The following CACNA2D3 variants were observed in gnomAD, a reference collection of about 807,000 sequenced individuals.
The protein encoded by CACNA2D3 is voltage-dependent calcium channel subunit alpha-2/delta-3.
CACNA2D3 carries 60 observed loss-of-function variants against 160.6 expected under a neutral mutation model. The ratio of observed to expected loss-of-function variants is 0.37; its 90% confidence interval spans 0.30 to 0.46. The LOEUF is 0.46. Ranked by LOEUF, CACNA2D3 falls within the 20% of genes least tolerant of loss-of-function variation. The pLI is 1.00. For missense variants in CACNA2D3, 1,205 were observed against 1,365.0 expected, an observed-to-expected ratio of 0.88 and a Z score of 1.85; for synonymous variants, 558 against 492.9, an observed-to-expected ratio of 1.13 and a Z score of -1.75.
chr3:54,822,754 CTTT>C lies in CACNA2D3; in HGVS notation c.1398+5885_1398+5887del, dbSNP rs1223756456. ...ATTTTCTTTCTTTCTTTCTTTCTTT[CTTT>C]CTTTCTTTCTTTCTTTCTTTCTTTC... is the stretch of plus-strand genomic sequence containing the variant. On this transcript the variant is annotated intron_variant, in intron 14 of 37. Transcript: ENST00000474759. 3.2e-4 allele frequency among the ~76,000 whole-genome samples: 25 copies of C among 77,560 alleles called. 1 individual carries two copies. Among genetic ancestry groups the C allele is most frequent in the African/African-American group, 1.3e-3 (25 of 19,284 alleles). 50.9% of individuals were successfully genotyped at this position (77,560 alleles called of 152,430 possible).
intron 17 of CACNA2D3, among the ~76,000 whole-genome samples, chr3:54,851,869 G>A (rs1699064864): frequency 6.6e-6 from 1 of 152,156 alleles, no homozygotes; most frequent in South Asian, 2.1e-4. Flanking sequence ...GAAATATGAT[G>A]TGTATCCTAC....
At chr3:54,370,518 C>T (rs550542953) in intron 3 of CACNA2D3, among the ~76,000 whole-genome samples, 2 of 152,266 alleles carry the variant, frequency 1.3e-5, no homozygotes, top group South Asian at 4.2e-4. Context: ...TTTGCCTAAT[C>T]CCCTGGTGAG....
chr3:54,461,681 G>C (rs1700507940), intron 4 of CACNA2D3, among the ~76,000 whole-genome samples: 1 of 151,354 alleles, frequency 6.6e-6, no homozygotes, highest in Non-Finnish European at 1.5e-5. Context: ...TTCTTTATTA[G>C]TCTTGGTAGT....
At chr3:54,472,076 C>T (rs1240767187) in intron 4 of CACNA2D3, among the ~76,000 whole-genome samples, 2 of 152,162 alleles carry the variant, frequency 1.3e-5, no homozygotes, top group Non-Finnish European at 2.9e-5. Flanking sequence ...ATACCAAAAC[C>T]TGGCAGAGAC....
chr3:55,069,121 CTG>C (rs1240283258), intron 35 of CACNA2D3, among the ~76,000 whole-genome samples: 1 of 152,174 alleles, frequency 6.6e-6, no homozygotes, highest in Non-Finnish European at 1.5e-5. Context: ...TGTTACTCAT[CTG>C]TGTTTCCTCT....
chr3:54,407,689 C>A (rs1295222780), intron 4 of CACNA2D3, among the ~76,000 whole-genome samples: 2 of 152,030 alleles, frequency 1.3e-5, no homozygotes, highest in Non-Finnish European at 2.9e-5. Context: ...TTTGTGTTAA[C>A]CAGTTATTTG....
At chr3:54,153,141 T>C (rs1700182284) in intron 2 of CACNA2D3, among the ~76,000 whole-genome samples, 1 of 152,166 alleles carries the variant, frequency 6.6e-6, no homozygotes, top group African/African-American at 2.4e-5. Context: ...ATAGAGAAGT[T>C]GGTAGCTCTG....
chr3:55,029,238 A>G (rs532289844), intron 35 of CACNA2D3, among the ~76,000 whole-genome samples: 2 of 152,288 alleles, frequency 1.3e-5, no homozygotes, highest in African/African-American at 2.4e-5. Flanking sequence ...GGACTGAACT[A>G]TGGTCTGGGC....
intron 2 of CACNA2D3, among the ~76,000 whole-genome samples, chr3:54,131,390 T>A (rs569692188): frequency 6.6e-6 from 1 of 152,330 alleles, no homozygotes; most frequent in East Asian, 1.9e-4. Flanking sequence ...GGAATTGGGG[T>A]TGCCACATCT....
chr3:54,733,195 G>A (rs1318229845), intron 11 of CACNA2D3, among the ~76,000 whole-genome samples: 2 of 152,192 alleles, frequency 1.3e-5, no homozygotes, highest in Non-Finnish European at 2.9e-5. Flanking sequence ...CTGTGTTCAT[G>A]GATTTAGTAA....
At chr3:54,927,125 T>G (rs549359919) in intron 27 of CACNA2D3, among the ~76,000 whole-genome samples, 1 of 152,062 alleles carries the variant, frequency 6.6e-6, no homozygotes, top group East Asian at 1.9e-4. Context: ...TTTGATTGAT[T>G]GTTTGCTTGC....
At chr3:54,670,302 G>T (rs1700136733) in intron 11 of CACNA2D3, among the ~76,000 whole-genome samples, 2 of 152,214 alleles carry the variant, frequency 1.3e-5, no homozygotes, top group South Asian at 4.1e-4. Context: ...TAGGTGCACA[G>T]ACGTGTGCTG....
chr3:55,044,912 A>G (rs1187523090), intron 35 of CACNA2D3, among the ~76,000 whole-genome samples: 2 of 152,292 alleles, frequency 1.3e-5, no homozygotes, highest in South Asian at 2.1e-4. Context: ...TAATTTTTGA[A>G]TCTTGAACTG....
At chr3:54,412,957 C>T (rs1699693998) in intron 4 of CACNA2D3, among the ~76,000 whole-genome samples, 1 of 151,676 alleles carries the variant, frequency 6.6e-6, no homozygotes, top group Non-Finnish European at 1.5e-5. Context: ...AATATATTTA[C>T]CTACATATTT....
At chr3:54,420,915 G>A (rs1372975494) in intron 4 of CACNA2D3, among the ~76,000 whole-genome samples, 2 of 152,216 alleles carry the variant, frequency 1.3e-5, no homozygotes, top group African/African-American at 2.4e-5. Flanking sequence ...AGTGTGGAGT[G>A]ATGGGAAGTT....
Position 55,074,471 on chromosome 3 carries a change from G to A in CACNA2D3, c.*265G>A. 1 of 467,136 alleles carries A rather than the reference G, an allele frequency of 2.1e-6. No individual in the cohort carries two copies. Among genetic ancestry groups the A allele is most frequent in the Non-Finnish European group, 3.9e-6 (1 of 259,540 alleles). The allele number at this position is 467,136 out of a possible 1,614,324, so 28.9% of individuals were successfully genotyped here. ...CCCTTCATCAGAAATGGGACCGCAAGTGGTAGGCAGTGTCCCTTCTGCTTG... is the reference window on the plus strand; with the variant it reads ...CCCTTCATCAGAAATGGGACCGCAAATGGTAGGCAGTGTCCCTTCTGCTTG... On this transcript the variant is annotated 3_prime_UTR_variant, in exon 38 of 38. Transcript: ENST00000474759.
At chr3:54,757,970 C>G (rs1435231878) in intron 12 of CACNA2D3, among the ~76,000 whole-genome samples, 1 of 152,206 alleles carries the variant, frequency 6.6e-6, no homozygotes, top group African/African-American at 2.4e-5. Flanking sequence ...TTACATATCT[C>G]TCTTCATTTG....
At chr3:54,616,071 C>G (rs1355732513) in intron 9 of CACNA2D3, among the ~76,000 whole-genome samples, 1 of 152,218 alleles carries the variant, frequency 6.6e-6, no homozygotes, top group East Asian at 1.9e-4. Context: ...GACAGATTGT[C>G]TTCCGTGAAA....
intron 16 of CACNA2D3, 87 bp downstream of exon 16, chr3:54,838,735 T>G (rs1330440063): frequency 2.0e-6 from 2 of 994,896 alleles, no homozygotes; most frequent in African/African-American, 1.6e-5. Flanking sequence ...AACTCTACTT[T>G]GGAGCGATGT....
Sources: allele counts gnomAD v4.1 joint callset (sites outside exome capture counted in the v4.1 genomes callset), GRCh38; gene constraint gnomAD v4.1.1; transcripts MANE v1.5; gene names NCBI Gene and HGNC (gene_info 2026-07-23, HGNC 2026-07-21).